DPYD: variants seen among roughly 807,000 people sequenced by gnomAD.
The protein encoded by DPYD is dihydropyrimidine dehydrogenase [NADP(+)].
DPYD carries 109 observed loss-of-function variants against 116.2 expected under a neutral mutation model. The observed-to-expected ratio is 0.94, with a 90% CI of 0.80 to 1.10. The LOEUF (loss-of-function observed/expected upper bound fraction) is 1.10. DPYD is among the 50% of genes least tolerant of loss of function. The pLI is 0.00. For missense variants in DPYD, 1,302 were observed against 1,254.5 expected, an observed-to-expected ratio of 1.04 and a Z score of -0.57; for synonymous variants, 440 against 432.0, an observed-to-expected ratio of 1.02 and a Z score of -0.23.
At chr1:97,310,615 A>G (rs923568598) in intron 16 of DPYD, among the ~76,000 whole-genome samples, 4 of 151,782 alleles carry the variant, frequency 2.6e-5, no homozygotes, top group Non-Finnish European at 5.9e-5. Flanking sequence ...ATTTTTTAGC[A>G]TGTGTCCTTC....
chr1:97,323,443 C>T (rs533942743), intron 16 of DPYD, among the ~76,000 whole-genome samples: 16 of 104,258 alleles, frequency 1.5e-4, no homozygotes, highest in East Asian at 6.3e-4. Flanking sequence ...TATATGTACA[C>T]GTATATACAT....
intron 18 of DPYD, among the ~76,000 whole-genome samples, chr1:97,302,286 TAA>T (rs1036293901): frequency 6.6e-6 from 1 of 152,042 alleles, no homozygotes; most frequent in Non-Finnish European, 1.5e-5. Context: ...CCTTGTTTGA[TAA>T]AAAATATTCC....
At chr1:97,337,253 T>G (rs72728409) in intron 16 of DPYD, among the ~76,000 whole-genome samples, 1,813 of 152,274 alleles carry the variant, frequency 0.012, 10 homozygotes, top group Non-Finnish European at 0.017. Flanking sequence ...AGGCTCAGAT[T>G]AAGCATATGA....
intron 4 of DPYD, among the ~76,000 whole-genome samples, chr1:97,726,492 T>C (rs764310108): frequency 1.3e-5 from 2 of 151,640 alleles, no homozygotes; most frequent in Non-Finnish European, 3.0e-5. Flanking sequence ...GAGCAGGTCA[T>C]CATTGTTAGA....
At chr1:97,152,945 G>A (rs745410046) in intron 20 of DPYD, among the ~76,000 whole-genome samples, 2 of 152,048 alleles carry the variant, frequency 1.3e-5, no homozygotes, top group Non-Finnish European at 2.9e-5. Context: ...TTGCCCCTCT[G>A]CCATGTAGTT....
chr1:97,677,599 T>G (rs1660213522), intron 8 of DPYD, among the ~76,000 whole-genome samples: 1 of 152,182 alleles, frequency 6.6e-6, no homozygotes, highest in Non-Finnish European at 1.5e-5. Flanking sequence ...AGATCTTGCC[T>G]CCTTCCTACT....
chr1:97,103,327 A>G (rs1650888572), intron 20 of DPYD, among the ~76,000 whole-genome samples: 1 of 152,086 alleles, frequency 6.6e-6, no homozygotes, highest in East Asian at 1.9e-4. Context: ...AGAAGCTCAG[A>G]TTTTCCCATA....
At chr1:97,717,038 G>C (rs931929572) in intron 5 of DPYD, among the ~76,000 whole-genome samples, 1 of 151,974 alleles carries the variant, frequency 6.6e-6, no homozygotes, top group Admixed American at 6.6e-5. Flanking sequence ...AGGGTAACTT[G>C]AGATATCCAA....
intron 3 of DPYD, among the ~76,000 whole-genome samples, chr1:97,772,562 T>C (rs563168072): frequency 2.5e-4 from 38 of 152,174 alleles, no homozygotes; most frequent in Non-Finnish European, 4.0e-4. Context: ...AGGAAACAGA[T>C]GCATTGTTTG....
At chr1:97,827,441 T>G (rs1669297018) in intron 3 of DPYD, among the ~76,000 whole-genome samples, 1 of 152,090 alleles carries the variant, frequency 6.6e-6, no homozygotes, top group South Asian at 2.1e-4. Flanking sequence ...CCACAAATTT[T>G]CAATGTCTAA....
intron 7 of DPYD, among the ~76,000 whole-genome samples, chr1:97,681,401 G>C (rs1250957847): frequency 5.9e-5 from 9 of 152,056 alleles, no homozygotes; most frequent in Admixed American, 4.6e-4. Flanking sequence ...AATATGACTG[G>C]AACTGGATCA....
intron 3 of DPYD, among the ~76,000 whole-genome samples, chr1:97,746,647 T>C (rs919690305): frequency 3.3e-5 from 5 of 152,218 alleles, no homozygotes; most frequent in African/African-American, 9.6e-5. Context: ...ACGAAAGACG[T>C]GATGGAAATT....
rs910368344 is a variant in DPYD at position 97,225,942 on chromosome 1, A to G, written c.2442+8910T>C. Among the ~76,000 whole-genome samples the G allele has an allele frequency of 3.9e-5, 6 of 152,202 alleles. No homozygotes were observed. In the East Asian group the frequency reaches 1.2e-3, roughly 29 times the overall value. ...AAACCCAGAAAAGGGTACTATAGGAAAAAAAGTATAGGCCGTATCTCTGAT... is the reference window on the plus strand; with the variant it reads ...AAACCCAGAAAAGGGTACTATAGGAGAAAAAGTATAGGCCGTATCTCTGAT... On this transcript the variant is annotated intron_variant, in intron 19 of 22. Transcript: ENST00000370192.
intron 8 of DPYD, among the ~76,000 whole-genome samples, chr1:97,629,969 C>A (rs1415164543): frequency 6.6e-6 from 1 of 151,728 alleles, no homozygotes; most frequent in Non-Finnish European, 1.5e-5. Flanking sequence ...AAGTATGTAA[C>A]CTTTTAGAAT....
intron 16 of DPYD, among the ~76,000 whole-genome samples, chr1:97,368,482 T>C (rs551486741): frequency 1.6e-4 from 25 of 152,342 alleles, no homozygotes; most frequent in African/African-American, 5.3e-4. Context: ...GTTATATGAC[T>C]AGCATTGAGA....
chr1:97,854,476 A>G (rs892513126), intron 2 of DPYD, among the ~76,000 whole-genome samples: 3 of 152,334 alleles, frequency 2.0e-5, no homozygotes, highest in Non-Finnish European at 2.9e-5. Context: ...AGGTGCCCCA[A>G]CACTCCTACC....
chr1:97,860,715 G>C (rs1273366680), intron 2 of DPYD, among the ~76,000 whole-genome samples: 1 of 151,726 alleles, frequency 6.6e-6, no homozygotes, highest in Non-Finnish European at 1.5e-5. Context: ...ACAGAAAATG[G>C]CTAAAACTAT....
At chr1:97,536,808 C>CA (rs1454613309) in intron 12 of DPYD, among the ~76,000 whole-genome samples, 2 of 152,316 alleles carry the variant, frequency 1.3e-5, no homozygotes, top group East Asian at 3.9e-4. Context: ...AAAGATGACA[C>CA]TTGACATTTG....
At position 97,590,889 on chromosome 1, in the gene DPYD, T is replaced by A. The variant is rs562418630; in HGVS notation, c.1128+2329A>T. On this transcript the variant is annotated intron_variant, in intron 10 of 22. Transcript: ENST00000370192. Reference sequence around the variant, plus strand: ...TCTCAGCAGAGTAGCCATTTTAAAATTTAAATCAGAGCTTGGCACTTCTCT... The same window carrying A: ...TCTCAGCAGAGTAGCCATTTTAAAAATTAAATCAGAGCTTGGCACTTCTCT... Among the ~76,000 whole-genome samples, 11 of 152,348 alleles carry A rather than the reference T, an allele frequency of 7.2e-5. No individual in the cohort carries two copies. The South Asian group carries it at 2.3e-3, about 32-fold the overall frequency.
Sources: allele counts gnomAD v4.1 joint callset (sites outside exome capture counted in the v4.1 genomes callset), GRCh38; gene constraint gnomAD v4.1.1; transcripts MANE v1.5; gene names NCBI Gene and HGNC (gene_info 2026-07-23, HGNC 2026-07-21).